Variants in NKAIN2 observed in about 807,000 individuals in gnomAD.
The protein encoded by NKAIN2 is sodium/potassium transporting ATPase interacting 2, also known as sodium/potassium-transporting ATPase subunit beta-1-interacting protein 2.
NKAIN2 carries 14 observed loss-of-function variants against 32.6 expected under a neutral mutation model. The ratio of observed to expected loss-of-function variants is 0.43; its 90% CI spans 0.28 to 0.67. The LOEUF (loss-of-function observed/expected upper bound fraction) is 0.67, where lower values mean the gene tolerates loss of function less well. NKAIN2 is among the 30% of genes least tolerant of loss of function. NKAIN2 has a pLI of 0.17. For missense variants in NKAIN2, 198 were observed against 258.3 expected (o/e 0.77, Z 1.60); for synonymous variants, 80 against 87.2 (o/e 0.92, Z 0.46).
At chr6:124,334,686 C>A (rs1460843854) in intron 2 of NKAIN2, among the ~76,000 whole-genome samples, 9 of 152,104 alleles carry the variant, frequency 5.9e-5, no homozygotes, top group Non-Finnish European at 1.3e-4. Context: ...TCTATTAGAG[C>A]AATTTGGGAG....
intron 3 of NKAIN2, among the ~76,000 whole-genome samples, chr6:124,601,544 A>G (rs1782307933): frequency 6.6e-6 from 1 of 151,998 alleles, no homozygotes; most frequent in Admixed American, 6.6e-5. Flanking sequence ...GAAGTAAATG[A>G]AAGGCCCAGC....
chr6:123,855,105 C>T (rs771460469), intron 1 of NKAIN2, among the ~76,000 whole-genome samples: 22 of 152,060 alleles, frequency 1.4e-4, no homozygotes, highest in Non-Finnish European at 2.4e-4. Context: ...TAAATGTATT[C>T]CTTTACATAA....
At chr6:124,152,965 A>C (rs1190921614) in intron 1 of NKAIN2, among the ~76,000 whole-genome samples, 1 of 151,896 alleles carries the variant, frequency 6.6e-6, no homozygotes, top group Non-Finnish European at 1.5e-5. Flanking sequence ...CATCTCTTGC[A>C]GTTAGCATAA....
chr6:124,612,733 A>G (rs1782738974), intron 3 of NKAIN2, among the ~76,000 whole-genome samples: 1 of 152,226 alleles, frequency 6.6e-6, no homozygotes, highest in Non-Finnish European at 1.5e-5. Flanking sequence ...CTTAGAAATA[A>G]GAATCCTAGG....
At chr6:124,007,492 T>C (rs1780124916) in intron 1 of NKAIN2, among the ~76,000 whole-genome samples, 1 of 152,214 alleles carries the variant, frequency 6.6e-6, no homozygotes, top group South Asian at 2.1e-4. Context: ...CAGTCTCTTC[T>C]CATAGCTCAG....
At chr6:123,923,140 A>AG (rs1775832107) in intron 1 of NKAIN2, among the ~76,000 whole-genome samples, 1 of 152,026 alleles carries the variant, frequency 6.6e-6, no homozygotes, top group African/African-American at 2.4e-5. Flanking sequence ...AAACAAAAAA[A>AG]AGACAAAAAA....
intron 4 of NKAIN2, among the ~76,000 whole-genome samples, chr6:124,766,053 C>T: frequency 6.6e-6 from 1 of 152,162 alleles, no homozygotes; most frequent in Non-Finnish European, 1.5e-5. Flanking sequence ...TTGGCTTTTG[C>T]TTTCCCCATC....
At chr6:124,488,766 G>C (rs1324096290) in intron 3 of NKAIN2, among the ~76,000 whole-genome samples, 1 of 151,898 alleles carries the variant, frequency 6.6e-6, no homozygotes, top group Non-Finnish European at 1.5e-5. Flanking sequence ...ATATAATAAA[G>C]CTATCATCTT....
intron 1 of NKAIN2, among the ~76,000 whole-genome samples, chr6:124,110,033 C>T (rs1392523827): frequency 6.6e-6 from 1 of 151,802 alleles, no homozygotes; most frequent in Non-Finnish European, 1.5e-5. Flanking sequence ...CATCTATATC[C>T]ATCATAGATA....
intron 1 of NKAIN2, among the ~76,000 whole-genome samples, chr6:124,240,609 A>G (rs1041040315): frequency 1.3e-5 from 2 of 152,064 alleles, no homozygotes; most frequent in Non-Finnish European, 2.9e-5. Flanking sequence ...ATCAATAAAC[A>G]TAATCCATCA....
intron 1 of NKAIN2, among the ~76,000 whole-genome samples, chr6:123,939,535 A>G (rs369342736): frequency 6.6e-6 from 1 of 152,070 alleles, no homozygotes; most frequent in Non-Finnish European, 1.5e-5. Flanking sequence ...CCACCAATAC[A>G]TAAATTATAA....
At chr6:124,805,098 A>C (rs1780470329) in intron 5 of NKAIN2, among the ~76,000 whole-genome samples, 1 of 151,804 alleles carries the variant, frequency 6.6e-6, no homozygotes, top group African/African-American at 2.4e-5. Context: ...TAACCTCTGC[A>C]GACTTAAATG....
chr6:124,517,565 G>T (rs567691028), intron 3 of NKAIN2, among the ~76,000 whole-genome samples: 1 of 152,116 alleles, frequency 6.6e-6, no homozygotes, highest in Non-Finnish European at 1.5e-5. Context: ...CAGACAGGAA[G>T]AATAGCAAGG....
intron 1 of NKAIN2, among the ~76,000 whole-genome samples, chr6:123,943,606 A>C (rs973856143): frequency 6.6e-6 from 1 of 152,038 alleles, no homozygotes; most frequent in African/African-American, 2.4e-5. Context: ...GGGTTGTTGG[A>C]AAGATTTTAG....
chr6:124,387,474 G>A (rs1031999046), intron 3 of NKAIN2, among the ~76,000 whole-genome samples: 1 of 152,068 alleles, frequency 6.6e-6, no homozygotes, highest in African/African-American at 2.4e-5. Flanking sequence ...ATGCCTGGCT[G>A]ATTACCTGTC....
chr6:124,652,499 C>G (rs1210327923), intron 3 of NKAIN2, among the ~76,000 whole-genome samples: 1 of 152,248 alleles, frequency 6.6e-6, no homozygotes, highest in East Asian at 1.9e-4. Context: ...TTCGGGTATT[C>G]GTTATAGTAC....
At chr6:124,409,474 C>A (rs1207065058) in intron 3 of NKAIN2, among the ~76,000 whole-genome samples, 1 of 151,434 alleles carries the variant, frequency 6.6e-6, no homozygotes, top group Non-Finnish European at 1.5e-5. Flanking sequence ...GTCTTTGGTT[C>A]TGTTTATATG....
At chr6:124,382,236 T>C (rs918689804) in intron 3 of NKAIN2, among the ~76,000 whole-genome samples, 1 of 152,110 alleles carries the variant, frequency 6.6e-6, no homozygotes, top group African/African-American at 2.4e-5. Context: ...GTTTATATTG[T>C]TTACATCCTT....
At chr6:124,591,333 G>A (rs1338401102) in intron 3 of NKAIN2, among the ~76,000 whole-genome samples, 3 of 152,182 alleles carry the variant, frequency 2.0e-5, no homozygotes, top group East Asian at 1.9e-4. Flanking sequence ...TGAACTGATC[G>A]GAATAAGTGT....
Sources: allele counts gnomAD v4.1 joint callset (sites outside exome capture counted in the v4.1 genomes callset), GRCh38; gene constraint gnomAD v4.1.1; transcripts MANE v1.5; gene names NCBI Gene and HGNC (gene_info 2026-07-23, HGNC 2026-07-21).